Variants in IL20RA observed in about 807,000 individuals in gnomAD.
The protein encoded by IL20RA is interleukin-20 receptor subunit alpha.
IL20RA carries 29 observed loss-of-function variants against 36.5 expected under a neutral mutation model. The ratio of observed to expected loss-of-function variants is 0.79; its 90% CI spans 0.59 to 1.08. The LOEUF (loss-of-function observed/expected upper bound fraction) is 1.08. Among genes scored for constraint, IL20RA ranks in the 50% least tolerant of loss-of-function variants. The pLI is 0.00. For missense variants in IL20RA, 652 were observed against 668.4 expected, an observed-to-expected ratio of 0.98 and a Z score of 0.27; for synonymous variants, 279 against 267.1, an observed-to-expected ratio of 1.04 and a Z score of -0.43.
chr6:137,023,483 C>A (rs1423004106), intron 1 of IL20RA, among the ~76,000 whole-genome samples: 2 of 152,114 alleles, frequency 1.3e-5, no homozygotes, highest in African/African-American at 2.4e-5. Flanking sequence ...AAATATGAAC[C>A]TATTTATATT....
chr6:137,011,378 T>C lies in IL20RA; in HGVS notation c.299A>G (p.Glu100Gly), dbSNP rs770387625. Reference sequence around the variant, plus strand: ...ATACTGGTGTTCGTAGTCAGAAGTTTCAGCAGAAAGATCACAGTAGGTTCT... The same window carrying C: ...ATACTGGTGTTCGTAGTCAGAAGTTCCAGCAGAAAGATCACAGTAGGTTCT... ...INRTYCDLSAETSDYEHQYYA... is the reference protein window; with the variant it reads ...INRTYCDLSAGTSDYEHQYYA... The change falls in exon 3 of 7, where the codon GAA (glutamate) becomes GGA (glycine). Residue 100 changes from glutamate (E) to glycine (G), a missense_variant. Physicochemically the swap from Glu to Gly is moderately conservative, Grantham distance 98. Transcript: ENST00000316649. 1 of 1,613,896 alleles carries C rather than the reference T, an allele frequency of 6.2e-7. No homozygotes were observed. Among genetic ancestry groups the C allele is most frequent in the Non-Finnish European group, 8.5e-7 (1 of 1,179,762 alleles).
At chr6:137,036,161 C>A (rs1408040725) in intron 1 of IL20RA, among the ~76,000 whole-genome samples, 3 of 152,206 alleles carry the variant, frequency 2.0e-5, no homozygotes, top group African/African-American at 4.8e-5. Context: ...CAGCTCTCAC[C>A]CTTCTGCAAA....
chr6:137,002,663 CT>C (rs1775121877), intron 6 of IL20RA, among the ~76,000 whole-genome samples: 1 of 152,204 alleles, frequency 6.6e-6, no homozygotes, highest in Admixed American at 6.5e-5. Context: ...ATTTCTTGAC[CT>C]TTTTTACATT....
At chr6:137,007,548 C>G (rs1775321741) in intron 5 of IL20RA, among the ~76,000 whole-genome samples, 2 of 152,148 alleles carry the variant, frequency 1.3e-5, no homozygotes, top group Admixed American at 1.3e-4. Flanking sequence ...TGCAGGCAAA[C>G]TTTAGGATGT....
intron 1 of IL20RA, among the ~76,000 whole-genome samples, chr6:137,036,395 C>T (rs556033190): frequency 1.4e-4 from 22 of 152,220 alleles, no homozygotes; most frequent in African/African-American, 4.8e-4. Flanking sequence ...GGATCTCATT[C>T]AGAAATAAGG....
intron 1 of IL20RA, among the ~76,000 whole-genome samples, chr6:137,035,343 C>T (rs1185747387): frequency 6.6e-6 from 1 of 152,140 alleles, no homozygotes; most frequent in Non-Finnish European, 1.5e-5. Flanking sequence ...TATTAATTAA[C>T]CAACAACTCT....
chr6:137,044,075 G>A, intron 1 of IL20RA: 1 of 982,296 alleles, frequency 1.0e-6, no homozygotes, highest in Non-Finnish European at 1.2e-6. Flanking sequence ...GGCGTACCCA[G>A]GACAGGGGGA....
intron 1 of IL20RA, among the ~76,000 whole-genome samples, chr6:137,032,707 T>C (rs1186425246): frequency 1.3e-5 from 2 of 152,214 alleles, no homozygotes; most frequent in Non-Finnish European, 2.9e-5. Context: ...AACTGGAATC[T>C]CAGACTTTCC....
chr6:137,028,899 T>C (rs1033173528), intron 1 of IL20RA, among the ~76,000 whole-genome samples: 1 of 152,218 alleles, frequency 6.6e-6, no homozygotes, highest in African/African-American at 2.4e-5. Flanking sequence ...CATCTTGTTT[T>C]TGCTCAATAT....
intron 1 of IL20RA, chr6:137,044,312 C>T: frequency 9.7e-7 from 1 of 1,031,562 alleles, no homozygotes; most frequent in African/African-American, 1.7e-5. Flanking sequence ...CGTCCCCGAC[C>T]GCAAGTCATA....
Position 137,001,492 on chromosome 6 carries a change from G to A in IL20RA, c.*66C>T. On this transcript the variant is annotated 3_prime_UTR_variant, in exon 7 of 7. Coordinates refer to ENST00000316649, the MANE Select transcript of IL20RA (RefSeq NM_014432.4). Reference sequence around the variant, plus strand: ...ACTTCTTTCATCCCAGGTACTTTATGGCTGGGATCAAAGGGGTGACTCACT... The same window carrying A: ...ACTTCTTTCATCCCAGGTACTTTATAGCTGGGATCAAAGGGGTGACTCACT... 1 of 1,401,928 alleles carries A rather than the reference G, an allele frequency of 7.1e-7. No homozygotes were observed. Among genetic ancestry groups the A allele is most frequent in the Admixed American group, 2.4e-5 (1 of 41,428 alleles). 86.8% of individuals were successfully genotyped at this position (1,401,928 alleles called of 1,614,324 possible).
At chr6:137,008,804 A>C in intron 4 of IL20RA, 61 bp from the exon 5 acceptor site, 1 of 1,348,994 alleles carries the variant, frequency 7.4e-7, no homozygotes, top group Non-Finnish European at 1.0e-6. Context: ...ACCCCAGACA[A>C]ATAACTGTAG....
chr6:137,014,470 A>G (rs1322394), intron 2 of IL20RA, among the ~76,000 whole-genome samples: 95,090 of 152,050 alleles, frequency 0.63, 34,569 homozygotes, highest in East Asian at 0.93. Flanking sequence ...AAAGTAGTCA[A>G]TTCAATGTGC....
At chr6:137,037,083 T>C (rs931581648) in intron 1 of IL20RA, among the ~76,000 whole-genome samples, 2 of 151,742 alleles carry the variant, frequency 1.3e-5, no homozygotes, top group Admixed American at 1.3e-4. Context: ...GAATGGAACT[T>C]TGGACTATGC....
Position 137,017,941 on chromosome 6 carries a change from TAAAGTA to T in IL20RA, c.89-844_89-839del, listed in dbSNP as rs554983735. 2.4e-3 allele frequency among the ~76,000 whole-genome samples: 365 copies of T among 152,270 alleles called. 3 individuals are homozygous for T. The highest frequency in any genetic ancestry group is 8.6e-3 in the African/African-American group (359 of 41,552). Reference sequence around the variant, plus strand: ...AATAAAGCAAAGATAATCCTTGGATTAAAGTAAATGAAAAAATTCAGTGGTAATATG... The same window carrying T: ...AATAAAGCAAAGATAATCCTTGGATTAATGAAAAAATTCAGTGGTAATATG... On this transcript the variant is annotated intron_variant, in intron 1 of 6. Transcript: ENST00000316649.
At chr6:137,007,494 G>A (rs1389942061) in intron 5 of IL20RA, among the ~76,000 whole-genome samples, 3 of 152,210 alleles carry the variant, frequency 2.0e-5, no homozygotes, top group African/African-American at 7.2e-5. Context: ...TAGACCAGCT[G>A]TTTGGAAAAG....
At chr6:137,034,736 G>C (rs1776419149) in intron 1 of IL20RA, among the ~76,000 whole-genome samples, 1 of 151,936 alleles carries the variant, frequency 6.6e-6, no homozygotes, top group South Asian at 2.1e-4. Context: ...GTCAGGAGAT[G>C]GAGACCACCC....
intron 5 of IL20RA, among the ~76,000 whole-genome samples, chr6:137,008,384 T>A (rs1489406527): frequency 3.3e-5 from 5 of 152,190 alleles, no homozygotes; most frequent in Non-Finnish European, 5.9e-5. Flanking sequence ...CCTGTATGAG[T>A]TCTCCGAGGG....
intron 1 of IL20RA, among the ~76,000 whole-genome samples, chr6:137,043,562 G>A (rs1776779631): frequency 6.6e-6 from 1 of 152,174 alleles, no homozygotes; most frequent in South Asian, 2.1e-4. Context: ...AATATTTTAT[G>A]TATAATAGCT....
Sources: allele counts gnomAD v4.1 joint callset (sites outside exome capture counted in the v4.1 genomes callset), GRCh38; gene constraint gnomAD v4.1.1; transcripts MANE v1.5; gene names NCBI Gene and HGNC (gene_info 2026-07-23, HGNC 2026-07-21).